PLEKHH2: variants seen among roughly 807,000 people sequenced by gnomAD.
PLEKHH2 encodes pleckstrin homology domain-containing family H member 2.
PLEKHH2 carries 129 observed loss-of-function variants against 187.9 expected under a neutral mutation model. That is an observed-to-expected ratio of 0.69 (90% CI 0.59 to 0.79). The LOEUF (loss-of-function observed/expected upper bound fraction) is 0.79, where lower values mean the gene tolerates loss of function less well. Ranked by LOEUF, PLEKHH2 falls within the 30% of genes least tolerant of loss-of-function variation. The pLI is 0.00. For synonymous variants in PLEKHH2, 686 were observed against 605.6 expected, an observed-to-expected ratio of 1.13 and a Z score of -1.95; for missense variants, 2,076 against 1,751.2, an observed-to-expected ratio of 1.19 and a Z score of -3.31.
In PLEKHH2 at chr2:43,689,152, G is replaced by A. The variant is rs923665333; in HGVS notation, c.187-3362G>A. On this transcript the variant is annotated intron_variant, in intron 3 of 29. Transcript: ENST00000282406. ...AGGTTGTCTCCCAAGAGCCAGTGAA[G>A]GACCAGTCCTTTCTTTGGAATGTGG... Among the ~76,000 whole-genome samples the A allele has an allele frequency of 3.3e-5, 5 of 152,208 alleles. No individual in the cohort carries two copies. In the South Asian group the frequency reaches 6.2e-4, roughly 19 times the overall value.
intron 16 of PLEKHH2, among the ~76,000 whole-genome samples, chr2:43,722,708 C>T (rs1041322530): frequency 6.6e-5 from 10 of 152,290 alleles, no homozygotes; most frequent in Middle Eastern, 6.8e-3. Context: ...AAATAATTAT[C>T]TGTGATCACA....
chr2:43,682,740 A>G (rs1263527097), intron 3 of PLEKHH2, among the ~76,000 whole-genome samples: 1 of 152,050 alleles, frequency 6.6e-6, no homozygotes, highest in African/African-American at 2.4e-5. Flanking sequence ...TCCCCCTCCC[A>G]CTAGCCCCTG....
chr2:43,755,165 G>A (rs150273464), intron 25 of PLEKHH2, among the ~76,000 whole-genome samples: 8 of 152,062 alleles, frequency 5.3e-5, no homozygotes, highest in African/African-American at 7.2e-5. Context: ...GAGCCACCGC[G>A]CCCAGCCAAA....
rs141520038 is a variant in PLEKHH2 at position 43,655,335 on chromosome 2, G to A, written c.123+10539G>A. Among the ~76,000 whole-genome samples the A allele has an allele frequency of 3.4e-3, 523 of 152,246 alleles. 1 individual carries two copies. The highest frequency in any genetic ancestry group is 6.8e-3 in the Middle Eastern group (2 of 294). On this transcript the variant is annotated intron_variant, in intron 2 of 29. Coordinates refer to ENST00000282406, the MANE Select transcript of PLEKHH2 (RefSeq NM_172069.4). ...GGATAGTGTAGTGGTGGGGGATTTG[G>A]TGAAGGAAAGGTTAGGAAATCAAGA...
In PLEKHH2 at chr2:43,729,763, T is replaced by C. The variant is rs753289205; in HGVS notation, c.2830+18T>C. ...GGAGCCTTGTAAGTTCATAAACATA[T>C]AAATAAAGCTTTATGGTTAATGAAA... On this transcript the variant is annotated intron_variant, in intron 18 of 29. Coordinates refer to ENST00000282406, the MANE Select transcript of PLEKHH2 (RefSeq NM_172069.4). 2 of 1,520,614 alleles carry C rather than the reference T, an allele frequency of 1.3e-6. No homozygotes were observed. Among genetic ancestry groups the C allele is most frequent in the South Asian group, 1.2e-5 (1 of 81,606 alleles). 94.2% of individuals were successfully genotyped at this position (1,520,614 alleles called of 1,614,324 possible). A position where few individuals can be genotyped will look rare whatever the true frequency, so the allele number is the denominator to read the frequency against.
At chr2:43,711,353 G>A (rs1326539408) in intron 14 of PLEKHH2, 14 of 985,270 alleles carry the variant, frequency 1.4e-5, no homozygotes, top group Non-Finnish European at 1.7e-5. Flanking sequence ...GGGCATGGCA[G>A]TTAAGAATCA....
At chr2:43,669,039 C>A (rs1667370022) in intron 2 of PLEKHH2, among the ~76,000 whole-genome samples, 1 of 152,156 alleles carries the variant, frequency 6.6e-6, no homozygotes, top group African/African-American at 2.4e-5. Flanking sequence ...CAGCAGAGAG[C>A]TCCAGGAATA....
chr2:43,713,428 A>G (rs567406959), intron 15 of PLEKHH2, among the ~76,000 whole-genome samples: 23 of 152,274 alleles, frequency 1.5e-4, no homozygotes, highest in Non-Finnish European at 2.8e-4. Context: ...AGGGTAAGGT[A>G]TAGCTTTAAA....
chr2:43,679,398 C>G (rs1187116576), intron 3 of PLEKHH2: 3 of 203,060 alleles, frequency 1.5e-5, no homozygotes, highest in South Asian at 9.7e-5. Context: ...AAAAGTCAAA[C>G]CTAAGAGTTA....
chr2:43,707,480 C>T lies in PLEKHH2; in HGVS notation c.1901C>T (p.Ser634Phe). 6.2e-7 allele frequency: 1 copy of T among 1,614,130 alleles called. No individual in the cohort carries two copies. Among genetic ancestry groups the T allele is most frequent in the Non-Finnish European group, 8.5e-7 (1 of 1,180,022 alleles). Reference protein sequence around the residue: ...SEEEDSSRSSSRTSESDSRSR... With the variant: ...SEEEDSSRSSFRTSESDSRSR... ...GAAGAAGACAGCTCCAGATCCAGCT[C>T]CCGGACGTCAGAGTCAGACTCACGC... The change falls in exon 11 of 30, where the codon TCC becomes TTC. Residue 634 changes from serine (S) to phenylalanine (F), a missense_variant. Coordinates refer to ENST00000282406, the MANE Select transcript of PLEKHH2 (RefSeq NM_172069.4).
At chr2:43,719,614 A>G (rs1050864475) in intron 15 of PLEKHH2, among the ~76,000 whole-genome samples, 6 of 152,044 alleles carry the variant, frequency 3.9e-5, no homozygotes, top group Admixed American at 2.0e-4. Context: ...TAATTTTTGT[A>G]TTTTTAGTAG....
chr2:43,721,537 C>T (rs532732940), intron 16 of PLEKHH2, among the ~76,000 whole-genome samples: 3 of 152,212 alleles, frequency 2.0e-5, no homozygotes, highest in African/African-American at 7.2e-5. Context: ...AAATACATGC[C>T]GTTATACTCA....
At chr2:43,756,890 A>G (rs1672233534) in intron 25 of PLEKHH2, among the ~76,000 whole-genome samples, 2 of 152,182 alleles carry the variant, frequency 1.3e-5, no homozygotes, top group African/African-American at 4.8e-5. Context: ...CAGAGGTTGC[A>G]ATGAGCCTGG....
chr2:43,743,945 C>G lies in PLEKHH2; in HGVS notation c.3511C>G (p.Pro1171Ala), dbSNP rs766016768. 6.2e-7 allele frequency: 1 copy of G among 1,614,056 alleles called. No individual in the cohort carries two copies. The highest frequency in any genetic ancestry group is 2.2e-5 in the East Asian group (1 of 44,886). Residue 1171 changes from proline (P) to alanine (A), a missense_variant, in exon 23 of 30, where the codon CCT becomes GCT. Coordinates refer to ENST00000282406, the MANE Select transcript of PLEKHH2 (RefSeq NM_172069.4). ...QSGFALFTDD[P>A]SGRDLEHCLQ... ...TGGATTTGCGTTGTTCACTGACGATCCTTCTGGCAGAGATTTAGAGCATTG... is the reference window on the plus strand; with the variant it reads ...TGGATTTGCGTTGTTCACTGACGATGCTTCTGGCAGAGATTTAGAGCATTG...
intron 25 of PLEKHH2, among the ~76,000 whole-genome samples, chr2:43,754,101 T>C (rs994913394): frequency 2.6e-5 from 4 of 151,528 alleles, no homozygotes; most frequent in Non-Finnish European, 5.9e-5. Flanking sequence ...AGTAAGTCCT[T>C]GAAAAGGCTA....
At chr2:43,645,406 G>T (rs148895361) in intron 2 of PLEKHH2, among the ~76,000 whole-genome samples, 3 of 151,984 alleles carry the variant, frequency 2.0e-5, no homozygotes, top group Non-Finnish European at 4.4e-5. Context: ...GTTAGACACC[G>T]TTCTTAATAC....
At chr2:43,658,350 G>C (rs945660634) in intron 2 of PLEKHH2, among the ~76,000 whole-genome samples, 5 of 152,126 alleles carry the variant, frequency 3.3e-5, no homozygotes, top group Non-Finnish European at 7.3e-5. Context: ...CTTCTACTGG[G>C]TTCAGAGTAT....
intron 2 of PLEKHH2, among the ~76,000 whole-genome samples, chr2:43,660,087 T>C (rs934133881): frequency 6.6e-6 from 1 of 152,226 alleles, no homozygotes; most frequent in South Asian, 2.1e-4. Flanking sequence ...TGATATAGTT[T>C]CTGGACCTTT....
At chr2:43,728,418 C>T (rs1194264736) in intron 17 of PLEKHH2, among the ~76,000 whole-genome samples, 4 of 134,620 alleles carry the variant, frequency 3.0e-5, no homozygotes, top group African/African-American at 1.1e-4. Flanking sequence ...GCAGAGGTTG[C>T]AGTGAATCGA....
Sources: gnomAD v4.1 joint callset for allele counts (sites outside exome capture counted in the v4.1 genomes callset) on GRCh38, gnomAD v4.1.1 for gene constraint, MANE v1.5 for transcripts, NCBI Gene and HGNC (gene_info 2026-07-23, HGNC 2026-07-21) for gene names.